Variants in C16orf46 observed in about 807,000 individuals in gnomAD.
C16orf46 encodes chromosome 16 open reading frame 46.
A neutral mutation model predicts 5.5 loss-of-function variants in C16orf46; 7 were observed. The ratio of observed to expected loss-of-function variants is 1.28; its 90% CI spans 0.73 to 2.40. The LOEUF is 2.40. Ranked by LOEUF, C16orf46 falls within the 30% of genes most tolerant of loss-of-function variation. C16orf46 has a pLI of 0.00. For missense variants in C16orf46, 614 were observed against 476.0 expected (o/e 1.29, Z -2.70); for synonymous variants, 200 against 184.1 (o/e 1.09, Z -0.70).
chr16:81,073,876 T>C (rs2151759648), intron 1 of C16orf46, among the ~76,000 whole-genome samples: 1 of 152,354 alleles, frequency 6.6e-6, no homozygotes, highest in Non-Finnish European at 1.5e-5. Context: ...ACAGTCTGAA[T>C]GATCTTGGAA....
rs117153669 is a variant in C16orf46, at chr16:81,063,430, T to C, written c.210+316A>G. Reference sequence around the variant, plus strand: ...GGGTGATCTCGAGCATGTAACTTTATCTTCCAAGTGACTCAGTATACTCAT... The same window carrying C: ...GGGTGATCTCGAGCATGTAACTTTACCTTCCAAGTGACTCAGTATACTCAT... On this transcript the variant is annotated intron_variant, in intron 3 of 3. Transcript: ENST00000299578. Among the ~76,000 whole-genome samples the C allele has an allele frequency of 4.1e-3, 617 of 152,124 alleles. 4 individuals carry two copies. The highest frequency in any genetic ancestry group is 6.9e-3 in the Non-Finnish European group (466 of 67,988).
chr16:81,060,912 T>C (rs1971441299), downstream of C16orf46: 3 of 1,156,498 alleles, frequency 2.6e-6, no homozygotes, highest in Non-Finnish European at 2.2e-6. Context: ...ATTTTGTGAA[T>C]GGCTAAGTAG....
chr16:81,058,349 T>C (rs953216351), downstream of C16orf46, among the ~76,000 whole-genome samples: 3 of 152,248 alleles, frequency 2.0e-5, no homozygotes, highest in Non-Finnish European at 4.4e-5. Flanking sequence ...AGATGCTTTT[T>C]GATCTAGGAG....
intron 1 of C16orf46, among the ~76,000 whole-genome samples, chr16:81,070,944 G>A (rs1396457026): frequency 6.6e-6 from 1 of 152,106 alleles, no homozygotes; most frequent in Non-Finnish European, 1.5e-5. Context: ...CAAGAGGAAG[G>A]GGCACAGACT....
intron 3 of C16orf46, among the ~76,000 whole-genome samples, chr16:81,062,603 C>G (rs374548619): frequency 9.9e-5 from 15 of 152,262 alleles, no homozygotes; most frequent in East Asian, 3.9e-4. Flanking sequence ...CTTCCCTTAC[C>G]TGGGGAACAC....
intron 3 of C16orf46, chr16:81,054,104 G>C (rs1288226902): frequency 1.2e-6 from 2 of 1,611,366 alleles, no homozygotes. Context: ...GCTGTAACGA[G>C]AAATTTAATG....
intron 1 of C16orf46, among the ~76,000 whole-genome samples, chr16:81,073,724 C>T (rs1971933501): frequency 6.6e-6 from 1 of 152,178 alleles, no homozygotes. Context: ...GAATTCAATG[C>T]ATTGTTGCTG....
At position 81,062,100 on chromosome 16, in the gene C16orf46, G is replaced by T; in HGVS notation, c.249C>A (p.Ile83=). Residue 83 remains isoleucine, a synonymous_variant, in exon 4 of 4, where the codon ATC becomes ATA. Transcript: ENST00000299578. ...CCTTTTTTGGTATCTTCCTCGGCCA[G>T]ATGCAGGCAGCTGGAGAAGTCCTTC... ...GWGRTSPAAC[I]WPRKIPKKAR... 1 of 1,603,588 alleles carries T rather than the reference G, an allele frequency of 6.2e-7. No individual in the cohort carries two copies.
chr16:81,075,315 C>G (rs998694820), intron 1 of C16orf46, among the ~76,000 whole-genome samples: 1 of 151,736 alleles, frequency 6.6e-6, no homozygotes, highest in African/African-American at 2.4e-5. Flanking sequence ...TCTGGCCAAG[C>G]ACGGTAGCTC....
rs1971521583 is a variant in C16orf46 at position 81,062,564 on chromosome 16, A to G, written c.211-426T>C. ...AAAACCGTTCATACTTGTCCCACCAACAAGGATTTCGGGCACCGCCAGTCT... is the reference window on the plus strand; with the variant it reads ...AAAACCGTTCATACTTGTCCCACCAGCAAGGATTTCGGGCACCGCCAGTCT... On this transcript the variant is annotated intron_variant, in intron 3 of 3. Coordinates refer to ENST00000299578, the MANE Select transcript of C16orf46 (RefSeq NM_152337.3). 2.6e-5 allele frequency among the ~76,000 whole-genome samples: 4 copies of G among 152,214 alleles called. No homozygotes were observed. In the East Asian group the frequency reaches 7.7e-4, roughly 29 times the overall value.
intron 1 of C16orf46, among the ~76,000 whole-genome samples, chr16:81,067,118 G>A (rs1460428650): frequency 2.0e-5 from 3 of 152,072 alleles, no homozygotes; most frequent in Non-Finnish European, 2.9e-5. Flanking sequence ...ATTTGGAAAC[G>A]AAAGAAAGAT....
intron 3 of C16orf46, chr16:81,054,176 T>G (rs1971229590): frequency 7.3e-7 from 1 of 1,368,936 alleles, no homozygotes. Context: ...TGCATCTGAA[T>G]TATGACAAAA....
intron 1 of C16orf46, among the ~76,000 whole-genome samples, chr16:81,068,994 G>A (rs901136125): frequency 9.9e-5 from 15 of 152,098 alleles, no homozygotes; most frequent in Non-Finnish European, 1.6e-4. Flanking sequence ...GTAAGCCACC[G>A]TGCCTGGCCC....
At chr16:81,075,332 A>G (rs1247419578) in intron 1 of C16orf46, among the ~76,000 whole-genome samples, 2 of 152,042 alleles carry the variant, frequency 1.3e-5, no homozygotes, top group Admixed American at 6.6e-5. Flanking sequence ...GCTCACACCA[A>G]TAATCCCAGC....
At chr16:81,076,133 G>A (rs1038156449) in intron 1 of C16orf46, among the ~76,000 whole-genome samples, 5 of 152,268 alleles carry the variant, frequency 3.3e-5, no homozygotes, top group African/African-American at 9.6e-5. Context: ...TAGAAATATT[G>A]TTAGCCATGG....
At chr16:81,059,236 G>A (rs1170531406), downstream of C16orf46, among the ~76,000 whole-genome samples, 1 of 142,706 alleles carries the variant, frequency 7.0e-6, no homozygotes, top group Non-Finnish European at 1.5e-5. Context: ...CATGAGAATC[G>A]CTTGAACCCA....
Position 81,062,151 on chromosome 16 carries a change from C to A in C16orf46, c.211-13G>T, listed in dbSNP as rs368168951. 16 of 1,541,254 alleles carry A rather than the reference C, an allele frequency of 1.0e-5. No individual in the cohort carries two copies. Among genetic ancestry groups the A allele is most frequent in the East Asian group, 2.3e-5 (1 of 44,220 alleles). On this transcript the variant is annotated splice_polypyrimidine_tract_variant and intron_variant, in intron 3 of 3. Transcript: ENST00000299578. ...CCCACCCTTGGACCTGCAAATAAAG[C>A]GGCATGTTACTCCTCCAGCTGAGGG...
rs804884 is a variant in C16orf46, at chr16:81,061,155, A to G, written c.*6T>C. The G allele has an allele frequency of 1, 1,586,309 of 1,590,558 alleles. 791,133 individuals are homozygous for G. Among genetic ancestry groups the G allele is most frequent in the Non-Finnish European group, 1 (1,167,523 of 1,167,560 alleles). On this transcript the variant is annotated 3_prime_UTR_variant, in exon 4 of 4. Coordinates refer to ENST00000299578, the MANE Select transcript of C16orf46 (RefSeq NM_152337.3). The stretch of plus-strand genomic sequence containing the variant: ...TGCTTATTCCCAGGGGTTCTACCGC[A>G]ACCGCTCAGAGGATCCTGTGGGTAG...
At chr16:81,062,939 T>C (rs1030860750) in intron 3 of C16orf46, among the ~76,000 whole-genome samples, 3 of 151,224 alleles carry the variant, frequency 2.0e-5, no homozygotes, top group African/African-American at 4.9e-5. Flanking sequence ...GTTGATTCTA[T>C]GAATTGTTTA....
Sources: gnomAD v4.1 joint callset for allele counts (sites outside exome capture counted in the v4.1 genomes callset) on GRCh38, gnomAD v4.1.1 for gene constraint, MANE v1.5 for transcripts, NCBI Gene and HGNC (gene_info 2026-07-23, HGNC 2026-07-21) for gene names.